Variants in ROBO2 observed in about 807,000 individuals in gnomAD.
ROBO2 encodes the protein roundabout guidance receptor 2, also known as roundabout homolog 2.
Under a neutral mutation model 160.8 loss-of-function variants are expected in ROBO2, and 53 were observed. The ratio of observed to expected loss-of-function variants is 0.33; its 90% CI spans 0.26 to 0.41. The LOEUF (loss-of-function observed/expected upper bound fraction) is 0.41. Ranked by LOEUF, ROBO2 falls within the 10% of genes least tolerant of loss-of-function variation. The pLI is 1.00. For synonymous variants in ROBO2, 664 were observed against 611.7 expected (o/e 1.09, Z -1.26); for missense variants, 1,577 against 1,722.4 (o/e 0.92, Z 1.49).
chr3:76,038,303 T>C (rs1390846451), intron 2 of ROBO2, among the ~76,000 whole-genome samples: 1 of 151,996 alleles, frequency 6.6e-6, no homozygotes, highest in East Asian at 1.9e-4. Context: ...GAGTGTATAT[T>C]GCAAGAAGAG....
intron 2 of ROBO2, among the ~76,000 whole-genome samples, chr3:77,147,133 A>C (rs1363320147): frequency 6.6e-6 from 1 of 152,278 alleles, no homozygotes; most frequent in East Asian, 1.9e-4. Flanking sequence ...TTGTTTACTA[A>C]ATTATAATTT....
At chr3:77,636,274 C>T (rs1163298622) in intron 24 of ROBO2, among the ~76,000 whole-genome samples, 1 of 152,028 alleles carries the variant, frequency 6.6e-6, no homozygotes, top group Non-Finnish European at 1.5e-5. Context: ...TCAACACTGC[C>T]ATTGTTGTAT....
At chr3:76,725,106 T>G (rs1195744210) in intron 2 of ROBO2, among the ~76,000 whole-genome samples, 1 of 152,180 alleles carries the variant, frequency 6.6e-6, no homozygotes, top group Non-Finnish European at 1.5e-5. Context: ...AAAATAAGTT[T>G]GTTGTTTTAA....
intron 2 of ROBO2, among the ~76,000 whole-genome samples, chr3:77,000,867 C>G (rs1191338736): frequency 6.6e-6 from 1 of 152,110 alleles, no homozygotes; most frequent in Non-Finnish European, 1.5e-5. Flanking sequence ...CAGATGCTAC[C>G]TCATTTGTTA....
chr3:77,150,477 C>T (rs116318392), intron 2 of ROBO2, among the ~76,000 whole-genome samples: 2,079 of 152,244 alleles, frequency 0.014, 23 homozygotes, highest in Non-Finnish European at 0.019. Context: ...GCAAGAAAAC[C>T]TCTGAAAGTT....
chr3:77,574,601 C>T lies in ROBO2; in HGVS notation c.2074C>T (p.Pro692Ser), dbSNP rs187796411. 839 of 1,613,392 alleles carry T rather than the reference C, an allele frequency of 5.2e-4. 8 individuals carry two copies. In the African/African-American group the frequency reaches 8.8e-3, roughly 17 times the overall value. Reference sequence around the variant, plus strand: ...GTGGCAGAATTTAGATGCCAAAGTCCCGACTGAACGAAGTGCTGTCTTAGT... The same window carrying T: ...GTGGCAGAATTTAGATGCCAAAGTCTCGACTGAACGAAGTGCTGTCTTAGT... The change falls in exon 14 of 26, where the codon CCG becomes TCG. Residue 692 changes from proline to serine, a missense_variant. Physicochemically the swap from Pro to Ser is moderately conservative, Grantham distance 74 (BLOSUM62 -1). Coordinates refer to ENST00000461745, the Ensembl canonical transcript of ROBO2.
intron 2 of ROBO2, among the ~76,000 whole-genome samples, chr3:77,201,224 T>C (rs183932800): frequency 6.6e-6 from 1 of 152,272 alleles, no homozygotes; most frequent in Admixed American, 6.5e-5. Flanking sequence ...CAACCTGGAG[T>C]TGAACCCAGA....
intron 22 of ROBO2, among the ~76,000 whole-genome samples, chr3:77,619,272 T>C (rs2094849147): frequency 6.6e-6 from 1 of 152,116 alleles, no homozygotes; most frequent in African/African-American, 2.4e-5. Flanking sequence ...TAGAGGGCAG[T>C]CCCCAAGACA....
At chr3:76,395,718 C>A (rs1472486956) in intron 2 of ROBO2, among the ~76,000 whole-genome samples, 1 of 152,126 alleles carries the variant, frequency 6.6e-6, no homozygotes, top group East Asian at 1.9e-4. Context: ...ACTAGAAAAT[C>A]TAGAAGAAAC....
At chr3:76,083,523 A>C (rs1183807744) in intron 2 of ROBO2, among the ~76,000 whole-genome samples, 1 of 152,106 alleles carries the variant, frequency 6.6e-6, no homozygotes, top group Non-Finnish European at 1.5e-5. Flanking sequence ...ACTTTTTGCT[A>C]GACTAGTTTG....
exon 2 of ROBO2, chr3:77,098,127 A>T: frequency 6.2e-7 from 1 of 1,614,164 alleles, no homozygotes; most frequent in Non-Finnish European, 8.5e-7. Context: ...GGGCCGGCCA[A>T]CGCCCACCAT....
chr3:76,211,278 T>A (rs1395967856), intron 2 of ROBO2, among the ~76,000 whole-genome samples: 1 of 152,158 alleles, frequency 6.6e-6, no homozygotes, highest in South Asian at 2.1e-4. Flanking sequence ...ATTTTACTCA[T>A]AATTAAACAT....
chr3:76,666,617 TG>T (rs1390182860), intron 2 of ROBO2, among the ~76,000 whole-genome samples: 1 of 152,028 alleles, frequency 6.6e-6, no homozygotes, highest in East Asian at 1.9e-4. Flanking sequence ...CTCAGTCTAT[TG>T]GAAAATGAAA....
chr3:77,382,058 T>C (rs2073548807), intron 2 of ROBO2, among the ~76,000 whole-genome samples: 1 of 152,050 alleles, frequency 6.6e-6, no homozygotes, highest in Non-Finnish European at 1.5e-5. Flanking sequence ...GAACCTAAAA[T>C]CTCTGGAGAA....
intron 2 of ROBO2, among the ~76,000 whole-genome samples, chr3:77,181,256 C>A (rs547376812): frequency 6.6e-6 from 1 of 152,000 alleles, no homozygotes; most frequent in Non-Finnish European, 1.5e-5. Flanking sequence ...CTGTTAGGCT[C>A]AATTAGATGA....
intron 2 of ROBO2, among the ~76,000 whole-genome samples, chr3:76,491,586 A>G (rs1285762033): frequency 6.6e-6 from 1 of 152,198 alleles, no homozygotes; most frequent in East Asian, 1.9e-4. Context: ...TAACAGAATG[A>G]TATTCTACCT....
chr3:77,603,380 G>T (rs983178063), intron 20 of ROBO2, among the ~76,000 whole-genome samples: 1 of 152,074 alleles, frequency 6.6e-6, no homozygotes, highest in Admixed American at 6.6e-5. Flanking sequence ...CCATGTTATA[G>T]ATACCAAAAG....
chr3:76,691,060 A>G (rs2092791200), intron 2 of ROBO2, among the ~76,000 whole-genome samples: 1 of 152,138 alleles, frequency 6.6e-6, no homozygotes, highest in South Asian at 2.1e-4. Context: ...TGTCTAAAAA[A>G]AAGAACAATA....
chr3:77,143,095 C>T (rs890164199), intron 2 of ROBO2, among the ~76,000 whole-genome samples: 2 of 144,728 alleles, frequency 1.4e-5, no homozygotes, highest in Non-Finnish European at 3.0e-5. Context: ...AACCAATAAA[C>T]AAAAAGCAAA....
Sources: gnomAD v4.1 joint callset for allele counts (sites outside exome capture counted in the v4.1 genomes callset) on GRCh38, gnomAD v4.1.1 for gene constraint, MANE v1.5 for transcripts, NCBI Gene and HGNC (gene_info 2026-07-23, HGNC 2026-07-21) for gene names.